The following SPAG16 variants were observed in gnomAD, a reference collection of about 807,000 sequenced individuals.
The protein encoded by SPAG16 is sperm-associated antigen 16 protein.
Under a neutral mutation model 80.4 loss-of-function variants are expected in SPAG16, and 86 were observed. That is an observed-to-expected ratio of 1.07 (90% CI 0.90 to 1.28). The LOEUF (loss-of-function observed/expected upper bound fraction) is 1.28, where lower values mean the gene tolerates loss of function less well. Among genes scored for constraint, SPAG16 ranks in the 50% most tolerant of loss-of-function variants. The pLI is 0.00. For synonymous variants in SPAG16, 294 were observed against 265.9 expected (o/e 1.11, Z -1.03); for missense variants, 870 against 765.3 (o/e 1.14, Z -1.61).
chr2:213,502,755 A>G (rs1483474034), intron 10 of SPAG16, among the ~76,000 whole-genome samples: 1 of 152,242 alleles, frequency 6.6e-6, no homozygotes, highest in African/African-American at 2.4e-5. Context: ...CATTTTACAG[A>G]GGAGTATATA....
chr2:214,073,179 T>C (rs997180862), intron 13 of SPAG16, among the ~76,000 whole-genome samples: 2 of 151,516 alleles, frequency 1.3e-5, no homozygotes, highest in East Asian at 3.9e-4. Context: ...TGGTCAACAA[T>C]ATGGAATTTC....
intron 15 of SPAG16, among the ~76,000 whole-genome samples, chr2:214,284,751 T>G (rs935313218): frequency 6.6e-6 from 1 of 152,156 alleles, no homozygotes; most frequent in Non-Finnish European, 1.5e-5. Context: ...TACCAAATTA[T>G]CTTTTATCCA....
At chr2:214,287,860 A>G (rs1181613412) in intron 15 of SPAG16, among the ~76,000 whole-genome samples, 2 of 152,224 alleles carry the variant, frequency 1.3e-5, no homozygotes, top group Non-Finnish European at 2.9e-5. Flanking sequence ...ATAGGTAATG[A>G]CCAAGTCAGG....
chr2:213,482,889 C>T (rs1241303894), intron 9 of SPAG16, among the ~76,000 whole-genome samples: 1 of 152,084 alleles, frequency 6.6e-6, no homozygotes, highest in Non-Finnish European at 1.5e-5. Flanking sequence ...TTATAGATTA[C>T]ATACATATTT....
intron 13 of SPAG16, among the ~76,000 whole-genome samples, chr2:214,064,141 C>T (rs1329625310): frequency 6.6e-6 from 1 of 151,758 alleles, no homozygotes; most frequent in Non-Finnish European, 1.5e-5. Context: ...CAAAACGTGT[C>T]TTTGGATATG....
intron 9 of SPAG16, among the ~76,000 whole-genome samples, chr2:213,460,945 A>G (rs1446377173): frequency 6.6e-6 from 1 of 152,174 alleles, no homozygotes; most frequent in African/African-American, 2.4e-5. Flanking sequence ...ATGAATATAC[A>G]TATTTATACA....
chr2:213,702,436 A>G (rs1476493764), intron 10 of SPAG16, among the ~76,000 whole-genome samples: 1 of 152,168 alleles, frequency 6.6e-6, no homozygotes, highest in Non-Finnish European at 1.5e-5. Context: ...GAAGGTCTGC[A>G]CCTTCACTTC....
Position 214,020,501 on chromosome 2 carries a change from G to T in SPAG16, c.1527+6424G>T, listed in dbSNP as rs573902332. The stretch of plus-strand genomic sequence containing the variant: ...AAATGACAGTTCAGTAAGAAAAGAT[G>T]ACTCAATATGCTTATATTTTCAAGG... On this transcript the variant is annotated intron_variant, in intron 13 of 15. Coordinates refer to ENST00000331683, the MANE Select transcript of SPAG16 (RefSeq NM_024532.5). 2.6e-5 allele frequency among the ~76,000 whole-genome samples: 4 copies of T among 152,138 alleles called. No homozygotes were observed. In the South Asian group the frequency reaches 8.3e-4, roughly 32 times the overall value.
intron 13 of SPAG16, among the ~76,000 whole-genome samples, chr2:214,035,801 G>A (rs11691400): frequency 0.19 from 28,936 of 152,156 alleles, 3,309 homozygotes; most frequent in Middle Eastern, 0.28. Flanking sequence ...GCCATGGCTG[G>A]ATGGTCAGAG....
intron 11 of SPAG16, among the ~76,000 whole-genome samples, chr2:213,897,784 A>G (rs1034753593): frequency 6.6e-6 from 1 of 152,182 alleles, no homozygotes; most frequent in Non-Finnish European, 1.5e-5. Flanking sequence ...GTCCTTACTT[A>G]GAGTGATTGC....
At chr2:214,266,794 A>G (rs906429145) in intron 15 of SPAG16, among the ~76,000 whole-genome samples, 1 of 151,216 alleles carries the variant, frequency 6.6e-6, no homozygotes, top group Non-Finnish European at 1.5e-5. Context: ...ATACACTAAC[A>G]ACAGACTGCC....
At chr2:213,828,766 G>T (rs943706084) in intron 10 of SPAG16, among the ~76,000 whole-genome samples, 4 of 152,214 alleles carry the variant, frequency 2.6e-5, no homozygotes, top group Non-Finnish European at 1.5e-5. Context: ...GCCCCGTAAA[G>T]CTGTGGTTCT....
chr2:213,504,578 AG>A, intron 10 of SPAG16, among the ~76,000 whole-genome samples: 1 of 152,182 alleles, frequency 6.6e-6, no homozygotes, highest in South Asian at 2.1e-4. Context: ...TGTTGGAAAT[AG>A]GGAGACTAAA....
chr2:214,203,542 C>A (rs1364574986), intron 15 of SPAG16, among the ~76,000 whole-genome samples: 1 of 152,182 alleles, frequency 6.6e-6, no homozygotes, highest in Non-Finnish European at 1.5e-5. Flanking sequence ...CACATCCTCA[C>A]ATCCTCACTG....
intron 3 of SPAG16, among the ~76,000 whole-genome samples, chr2:213,305,153 C>A (rs2062889620): frequency 6.6e-6 from 1 of 152,042 alleles, no homozygotes; most frequent in Non-Finnish European, 1.5e-5. Context: ...TGTTTTCTTT[C>A]TTGATATCTT....
At chr2:213,861,632 C>T (rs1243791515) in intron 10 of SPAG16, among the ~76,000 whole-genome samples, 1 of 152,088 alleles carries the variant, frequency 6.6e-6, no homozygotes, top group African/African-American at 2.4e-5. Flanking sequence ...ACATCTGTTC[C>T]CATTACATTG....
intron 5 of SPAG16, among the ~76,000 whole-genome samples, chr2:213,328,906 G>C (rs2063958353): frequency 1.3e-5 from 2 of 152,104 alleles, no homozygotes; most frequent in South Asian, 4.1e-4. Context: ...CATGGGGGCA[G>C]GTCTTTCCAA....
At chr2:214,199,724 A>G (rs965217184) in intron 15 of SPAG16, among the ~76,000 whole-genome samples, 1 of 152,170 alleles carries the variant, frequency 6.6e-6, no homozygotes. Context: ...GTATCTTCCC[A>G]TCCATGAACA....
At chr2:213,939,624 A>C (rs546894586) in intron 12 of SPAG16, among the ~76,000 whole-genome samples, 46 of 152,242 alleles carry the variant, frequency 3.0e-4, no homozygotes, top group Admixed American at 2.9e-3. Context: ...CCTGTCACAC[A>C]TAAACCACCC....
Sources: allele counts gnomAD v4.1 joint callset (sites outside exome capture counted in the v4.1 genomes callset), GRCh38; gene constraint gnomAD v4.1.1; transcripts MANE v1.5; gene names NCBI Gene and HGNC (gene_info 2026-07-23, HGNC 2026-07-21).